ATAD1: variants seen among roughly 807,000 people sequenced by gnomAD.
The protein encoded by ATAD1 is ATPase family AAA domain containing 1.
ATAD1 carries 18 observed loss-of-function variants against 42.7 expected under a neutral mutation model. The ratio of observed to expected loss-of-function variants is 0.42; its 90% CI spans 0.29 to 0.63. ATAD1 has a LOEUF of 0.63. Among genes scored for constraint, ATAD1 ranks in the 20% least tolerant of loss-of-function variants. ATAD1 has a pLI of 0.19. For synonymous variants in ATAD1, 132 were observed against 143.1 expected (o/e 0.92, Z 0.55); for missense variants, 294 against 440.4 (o/e 0.67, Z 2.98).
chr10:87,830,064 C>G (rs1003886604), intron 1 of ATAD1, among the ~76,000 whole-genome samples: 3 of 152,146 alleles, frequency 2.0e-5, no homozygotes, highest in African/African-American at 7.2e-5. Flanking sequence ...GGAGTAACAG[C>G]AGGACACTGG....
intron 1 of ATAD1, among the ~76,000 whole-genome samples, chr10:87,840,670 CT>C (rs1290283006): frequency 1.3e-5 from 2 of 152,114 alleles, no homozygotes; most frequent in Non-Finnish European, 2.9e-5. Context: ...TTTTTCACCC[CT>C]TCAGGGAACA....
chr10:87,835,091 C>A (rs1857907106), intron 1 of ATAD1, among the ~76,000 whole-genome samples: 1 of 151,676 alleles, frequency 6.6e-6, no homozygotes, highest in South Asian at 2.1e-4. Flanking sequence ...TAAGTTTATT[C>A]TATTATGATT....
chr10:87,814,316 T>A, intron 2 of ATAD1, 122 bp downstream of exon 2: 1 of 844,360 alleles, frequency 1.2e-6, no homozygotes, highest in Non-Finnish European at 1.7e-6. Context: ...TGAGTACCAA[T>A]ACATTTTCAT....
chr10:87,798,849 T>C (rs1015086307), intron 2 of ATAD1, among the ~76,000 whole-genome samples: 1 of 152,066 alleles, frequency 6.6e-6, no homozygotes, highest in Admixed American at 6.6e-5. Context: ...CCTAGGGTAG[T>C]GAAAAAGGTT....
chr10:87,754,536 A>T lies in ATAD1; in HGVS notation c.*151T>A. 1.1e-6 allele frequency: 1 copy of T among 924,542 alleles called. No individual in the cohort carries two copies. The allele number at this position is 924,542 out of a possible 1,614,324, so 57.3% of individuals were successfully genotyped here. The stretch of plus-strand genomic sequence containing the variant: ...CAACAGTAATACCACCTATGTAACA[A>T]CTATATCTCAATAACTTAGAATTCA... On this transcript the variant is annotated 3_prime_UTR_variant, in exon 10 of 10. Transcript: ENST00000680024.
At chr10:87,832,381 G>A (rs1396653093) in intron 1 of ATAD1, 3 of 150,574 alleles carry the variant, frequency 2.0e-5, no homozygotes, top group Non-Finnish European at 4.4e-5. Context: ...GCAACAGAGT[G>A]AGATCCTATC....
chr10:87,832,741 G>T (rs2132112528), intron 1 of ATAD1: 1 of 152,144 alleles, frequency 6.6e-6, no homozygotes, highest in South Asian at 2.1e-4. Context: ...TTTGTTTTGT[G>T]AGTTCTGTTG....
In ATAD1 at chr10:87,784,069, G is replaced by C. The variant is rs370902535; in HGVS notation, c.583+401C>G. On this transcript the variant is annotated intron_variant, in intron 5 of 9. Transcript: ENST00000680024. ...CAAATGGCTAATCAACATGCTAAAA[G>C]ATGCCCAAGTTTACTACCAAGCAGG... Among the ~76,000 whole-genome samples, 5 of 152,116 alleles carry C rather than the reference G, an allele frequency of 3.3e-5. No homozygotes were observed. The East Asian group carries it at 7.7e-4, about 23-fold the overall frequency.
At chr10:87,799,648 C>T (rs979298734) in intron 2 of ATAD1, among the ~76,000 whole-genome samples, 3 of 152,004 alleles carry the variant, frequency 2.0e-5, no homozygotes, top group African/African-American at 4.8e-5. Flanking sequence ...TTACAGTTTT[C>T]ATAAATAGTC....
Position 87,753,815 on chromosome 10 carries a change from G to GA in ATAD1, c.*871dup, listed in dbSNP as rs1854108234. ...TTACAACAGACATGTTACATTAAAT[G>GA]AAAAAAGGAAAGAAATGTACATGTA... is the stretch of plus-strand genomic sequence containing the variant. On this transcript the variant is annotated 3_prime_UTR_variant, in exon 10 of 10. Coordinates refer to ENST00000680024, the MANE Select transcript of ATAD1 (RefSeq NM_001321967.2). The GA allele has an allele frequency of 6.6e-6, 1 of 152,376 alleles. No homozygotes were observed. The highest frequency in any genetic ancestry group is 2.4e-5 in the African/African-American group (1 of 41,400). 9.4% of individuals were successfully genotyped at this position (152,376 alleles called of 1,614,324 possible). A position where few individuals can be genotyped will look rare whatever the true frequency, so the allele number is the denominator to read the frequency against.
intron 2 of ATAD1, among the ~76,000 whole-genome samples, chr10:87,793,045 A>G (rs1449663866): frequency 2.6e-5 from 4 of 152,168 alleles, no homozygotes; most frequent in Admixed American, 6.5e-5. Context: ...CATTGTTTCA[A>G]TGAGACTCTA....
intron 8 of ATAD1, among the ~76,000 whole-genome samples, chr10:87,762,649 G>A (rs1007589492): frequency 6.6e-6 from 1 of 151,642 alleles, no homozygotes; most frequent in Non-Finnish European, 1.5e-5. Flanking sequence ...TGTATTTTTA[G>A]TAGAGACAGG....
In ATAD1 at chr10:87,753,974, AC is replaced by A. The variant is rs1419104274; in HGVS notation, c.*712del. ...GTGTTGAGCACATGGCTGCCTAACA[AC>A]CATTCAATGCTGATCACTGAACTAG... On this transcript the variant is annotated 3_prime_UTR_variant, in exon 10 of 10. Transcript: ENST00000680024. 6.6e-6 allele frequency: 1 copy of A among 152,306 alleles called. No homozygotes were observed. The highest frequency in any genetic ancestry group is 1.5e-5 in the Non-Finnish European group (1 of 68,034). 9.4% of individuals were successfully genotyped at this position (152,306 alleles called of 1,614,324 possible). A position where few individuals can be genotyped will look rare whatever the true frequency, so the allele number is the denominator to read the frequency against.
intron 4 of ATAD1, among the ~76,000 whole-genome samples, chr10:87,787,896 A>G (rs541992361): frequency 1.3e-5 from 2 of 152,196 alleles, no homozygotes; most frequent in African/African-American, 2.4e-5. Flanking sequence ...AGAATGCACC[A>G]AAACATGAAG....
At chr10:87,815,756 C>G (rs1857388959) in intron 1 of ATAD1, among the ~76,000 whole-genome samples, 2 of 152,098 alleles carry the variant, frequency 1.3e-5, no homozygotes, top group Non-Finnish European at 1.5e-5. Flanking sequence ...CTCCTTCTCT[C>G]TAATCAAAAG....
In ATAD1 at chr10:87,785,193, G is replaced by T. The variant is rs1438105141; in HGVS notation, c.383-523C>A. Among the ~76,000 whole-genome samples, 3 of 152,066 alleles carry T rather than the reference G, an allele frequency of 2.0e-5. No individual in the cohort carries two copies. The East Asian group carries it at 5.8e-4, about 29-fold the overall frequency. ...AGTCACTCCTGTTTTAATTTCCAAA[G>T]AATAAAACTATATTATTAACCTATG... On this transcript the variant is annotated intron_variant, in intron 4 of 9. Transcript: ENST00000680024.
intron 1 of ATAD1, among the ~76,000 whole-genome samples, chr10:87,816,628 T>C (rs1354514764): frequency 7.9e-5 from 12 of 152,262 alleles, no homozygotes; most frequent in East Asian, 3.9e-4. Context: ...TCTCTCTTCA[T>C]GGAACAAACC....
At chr10:87,831,316 A>G (rs372079530) in intron 1 of ATAD1, among the ~76,000 whole-genome samples, 2 of 152,346 alleles carry the variant, frequency 1.3e-5, no homozygotes, top group East Asian at 3.8e-4. Flanking sequence ...AGAACCCTTC[A>G]GTGTTACGTC....
intron 2 of ATAD1, among the ~76,000 whole-genome samples, chr10:87,800,277 A>C (rs1384307040): frequency 6.6e-6 from 1 of 152,084 alleles, no homozygotes; most frequent in African/African-American, 2.4e-5. Context: ...AAGAGATTTT[A>C]ATTTTTTTCT....
Sources: allele counts gnomAD v4.1 joint callset (sites outside exome capture counted in the v4.1 genomes callset), GRCh38; gene constraint gnomAD v4.1.1; transcripts MANE v1.5; gene names NCBI Gene and HGNC (gene_info 2026-07-23, HGNC 2026-07-21).